Variants in MARCHF7 observed in about 807,000 individuals in gnomAD.
MARCHF7 encodes the protein E3 ubiquitin-protein ligase MARCHF7.
MARCHF7 carries 20 observed loss-of-function variants against 76.5 expected under a neutral mutation model. That is an observed-to-expected ratio of 0.26 (90% CI 0.18 to 0.38). MARCHF7 has a LOEUF of 0.38. Among genes scored for constraint, MARCHF7 ranks in the 10% least tolerant of loss-of-function variants. MARCHF7 has a pLI of 1.00. For synonymous variants in MARCHF7, 295 were observed against 293.0 expected (o/e 1.01, Z -0.07); for missense variants, 797 against 812.9 (o/e 0.98, Z 0.24).
chr2:159,753,550 C>CA (rs55967231), intron 8 of MARCHF7, among the ~76,000 whole-genome samples: 9,290 of 141,916 alleles, frequency 0.065, 367 homozygotes, highest in Middle Eastern at 0.14. Flanking sequence ...GACTCCATGT[C>CA]AAAAAAAAAA....
chr2:159,724,971 T>A (rs1356582828), intron 3 of MARCHF7, among the ~76,000 whole-genome samples: 1 of 152,188 alleles, frequency 6.6e-6, no homozygotes, highest in Non-Finnish European at 1.5e-5. Context: ...CTGAGAATGA[T>A]GGTTTCCAGC....
At chr2:159,722,566 G>T (rs879385352) in intron 3 of MARCHF7, among the ~76,000 whole-genome samples, 1 of 152,104 alleles carries the variant, frequency 6.6e-6, no homozygotes, top group Non-Finnish European at 1.5e-5. Flanking sequence ...TACCTCATTC[G>T]CTTGTTAAGT....
intron 3 of MARCHF7, among the ~76,000 whole-genome samples, chr2:159,716,377 T>G (rs1433595908): frequency 1.3e-5 from 2 of 152,044 alleles, no homozygotes; most frequent in African/African-American, 4.8e-5. Flanking sequence ...CTGGGCATGG[T>G]GGCTCACTCC....
intron 4 of MARCHF7, among the ~76,000 whole-genome samples, chr2:159,734,817 G>GAAAAAAA (rs760907513): frequency 1.8e-5 from 1 of 55,272 alleles, no homozygotes; most frequent in South Asian, 6.7e-4. Flanking sequence ...AAAATAAAAT[G>GAAAAAAA]AAAAAAAAAA....
At chr2:159,716,207 A>G (rs7594329) in intron 3 of MARCHF7, among the ~76,000 whole-genome samples, 52,143 of 151,114 alleles carry the variant, frequency 0.35, 9,203 homozygotes, top group South Asian at 0.44. Flanking sequence ...CTTAGCTTCC[A>G]TGTCTCCATG....
intron 3 of MARCHF7, among the ~76,000 whole-genome samples, chr2:159,721,056 G>A (rs13025347): frequency 0.34 from 51,643 of 150,358 alleles, 9,056 homozygotes; most frequent in South Asian, 0.44. Flanking sequence ...TTTAGTAGAG[G>A]CGGTTTCGCC....
intron 8 of MARCHF7, among the ~76,000 whole-genome samples, chr2:159,752,989 C>T (rs1705838621): frequency 6.6e-6 from 1 of 152,186 alleles, no homozygotes; most frequent in African/African-American, 2.4e-5. Context: ...CATTGAGTGC[C>T]TGTAATGGAG....
At chr2:159,713,155 T>G (rs1453451472) in intron 1 of MARCHF7, among the ~76,000 whole-genome samples, 1 of 152,242 alleles carries the variant, frequency 6.6e-6, no homozygotes, top group Non-Finnish European at 1.5e-5. Context: ...CGTCAGTTTT[T>G]GAATATCGTG....
intron 4 of MARCHF7, among the ~76,000 whole-genome samples, chr2:159,739,004 A>C (rs1703802080): frequency 6.6e-6 from 1 of 152,198 alleles, no homozygotes; most frequent in African/African-American, 2.4e-5. Flanking sequence ...CCAAGGTAGC[A>C]GTGGGCTGGT....
intron 10 of MARCHF7, among the ~76,000 whole-genome samples, chr2:159,764,255 T>TGTGTGTGTGTGTGTGTGC (rs10592175): frequency 7.6e-6 from 1 of 131,370 alleles, no homozygotes; most frequent in East Asian, 2.3e-4. Flanking sequence ...TGTGTGTGTG[T>TGTGTGTGTGTGTGTGTGC]GCGCGCGCCC....
chr2:159,762,616 C>G (rs1278715416), intron 9 of MARCHF7, among the ~76,000 whole-genome samples: 1 of 152,156 alleles, frequency 6.6e-6, no homozygotes, highest in African/African-American at 2.4e-5. Flanking sequence ...CCAAAGCATT[C>G]ATTCCACCAT....
chr2:159,754,683 C>T (rs1432601307), intron 8 of MARCHF7, among the ~76,000 whole-genome samples: 2 of 152,038 alleles, frequency 1.3e-5, no homozygotes, highest in Non-Finnish European at 2.9e-5. Context: ...AGATGGGGTC[C>T]AGAGCACAAG....
At chr2:159,715,201 A>G (rs1174525041) in intron 2 of MARCHF7, among the ~76,000 whole-genome samples, 1 of 152,262 alleles carries the variant, frequency 6.6e-6, no homozygotes, top group Non-Finnish European at 1.5e-5. Context: ...TTTAAAAAGA[A>G]TCGGATTTTG....
In MARCHF7 at chr2:159,769,620, T is replaced by G. The variant is rs1708069136; in HGVS notation, c.*2278T>G. ...AAGATCGAGCCACTGCACTGTAGCC[T>G]GGGCAGCACAGTGAGACTCCATCAT... On this transcript the variant is annotated 3_prime_UTR_variant, in exon 12 of 12. Coordinates refer to ENST00000409175, the MANE Select transcript of MARCHF7 (RefSeq NM_001282805.2). 1 of 146,986 alleles carries G rather than the reference T, an allele frequency of 6.8e-6. No homozygotes were observed. The highest frequency in any genetic ancestry group is 2.6e-5 in the African/African-American group (1 of 38,512). 9.1% of individuals were successfully genotyped at this position (146,986 alleles called of 1,614,324 possible).
intron 3 of MARCHF7, among the ~76,000 whole-genome samples, chr2:159,718,715 A>G (rs17813538): frequency 0.26 from 38,886 of 151,992 alleles, 6,356 homozygotes; most frequent in Admixed American, 0.44. Context: ...TAAGTAGGGT[A>G]ATTGGTAGAA....
At chr2:159,753,242 G>C (rs940945534) in intron 8 of MARCHF7, among the ~76,000 whole-genome samples, 1 of 152,100 alleles carries the variant, frequency 6.6e-6, no homozygotes, top group Non-Finnish European at 1.5e-5. Context: ...AGTGTGGCTG[G>C]TGTATAATTA....
chr2:159,741,399 T>C (rs890788686), intron 4 of MARCHF7, among the ~76,000 whole-genome samples: 9 of 152,150 alleles, frequency 5.9e-5, no homozygotes, highest in African/African-American at 1.9e-4. Flanking sequence ...TATACGTCTT[T>C]TTGTGTTGTT....
chr2:159,757,317 A>G (rs1218664207), intron 8 of MARCHF7, among the ~76,000 whole-genome samples: 2 of 152,232 alleles, frequency 1.3e-5, no homozygotes, highest in Non-Finnish European at 2.9e-5. Context: ...AGAGCTGCAC[A>G]AAGATCCCAT....
At chr2:159,762,425 T>C (rs1438298135) in intron 9 of MARCHF7, among the ~76,000 whole-genome samples, 1 of 152,248 alleles carries the variant, frequency 6.6e-6, no homozygotes, top group Non-Finnish European at 1.5e-5. Context: ...TTACCTTTAT[T>C]AATTCATTCT....
Sources: allele counts gnomAD v4.1 joint callset (sites outside exome capture counted in the v4.1 genomes callset), GRCh38; gene constraint gnomAD v4.1.1; transcripts MANE v1.5; gene names NCBI Gene and HGNC (gene_info 2026-07-23, HGNC 2026-07-21).